IGF1R: variants seen among roughly 807,000 people sequenced by gnomAD.
IGF1R encodes insulin-like growth factor 1 receptor.
IGF1R carries 44 observed loss-of-function variants against 144.6 expected under a neutral mutation model. The observed-to-expected ratio is 0.30, with a 90% CI of 0.24 to 0.39. The LOEUF is 0.39. Among genes scored for constraint, IGF1R ranks in the 10% least tolerant of loss-of-function variants. The probability of loss-of-function intolerance (pLI) is 1.00; values close to 1 mark genes in which losing one functional copy is unlikely to be tolerated. For missense variants in IGF1R, 1,355 were observed against 1,833.7 expected (o/e 0.74, Z 4.77); for synonymous variants, 795 against 722.8 (o/e 1.10, Z -1.60).
intron 1 of IGF1R, among the ~76,000 whole-genome samples, chr15:98,669,146 A>T (rs577936145): frequency 2.6e-5 from 4 of 152,168 alleles, no homozygotes; most frequent in African/African-American, 7.2e-5. Flanking sequence ...TTAGAGACAG[A>T]TGAGACAGGC....
chr15:98,748,107 C>T (rs1219359732), intron 2 of IGF1R, among the ~76,000 whole-genome samples: 1 of 152,176 alleles, frequency 6.6e-6, no homozygotes, highest in Admixed American at 6.5e-5. Context: ...AAATGTTTCT[C>T]ATGTGACAAA....
intron 2 of IGF1R, among the ~76,000 whole-genome samples, chr15:98,855,355 C>G (rs1033287003): frequency 2.0e-5 from 3 of 152,212 alleles, no homozygotes; most frequent in African/African-American, 7.2e-5. Flanking sequence ...GTAGTAATAC[C>G]TTTTCCTTGA....
In IGF1R at chr15:98,854,927, C is replaced by T. The variant is rs544616166; in HGVS notation, c.641-36398C>T. ...TGCCTTGGTCTTTGTTCCCCTCTCACTCCCTCCACCCCTGCCCCCCCCAAC... is the reference window on the plus strand; with the variant it reads ...TGCCTTGGTCTTTGTTCCCCTCTCATTCCCTCCACCCCTGCCCCCCCCAAC... On this transcript the variant is annotated intron_variant, in intron 2 of 20. Transcript: ENST00000650285. Among the ~76,000 whole-genome samples the T allele has an allele frequency of 6.8e-5, 10 of 146,816 alleles. No individual in the cohort carries two copies. In the South Asian group the frequency reaches 1.9e-3, roughly 28 times the overall value.
At position 98,889,865 on chromosome 15, in the gene IGF1R, C is replaced by A. The variant is rs182340509; in HGVS notation, c.641-1460C>A. On this transcript the variant is annotated intron_variant, in intron 2 of 20. Transcript: ENST00000650285. Reference sequence around the variant, plus strand: ...TGCATGTCAGAGTCAAAAAGATACACATTTAAATAATTTTGTATTGTTTTC... The same window carrying A: ...TGCATGTCAGAGTCAAAAAGATACAAATTTAAATAATTTTGTATTGTTTTC... Among the ~76,000 whole-genome samples the A allele has an allele frequency of 6.6e-5, 10 of 152,292 alleles. No individual in the cohort carries two copies. The East Asian group carries it at 1.7e-3, about 26-fold the overall frequency.
At position 98,651,518 on chromosome 15, in the gene IGF1R, T is replaced by C. The variant is rs372775922; in HGVS notation, c.94+1843T>C. 1.4e-3 allele frequency among the ~76,000 whole-genome samples: 218 copies of C among 152,386 alleles called. 4 individuals carry two copies. The highest frequency in any genetic ancestry group is 5.1e-3 in the African/African-American group (211 of 41,602). ...ACGGGAGAAATAATCCATTTTGTTA[T>C]GTTATGCAGTTGAACTGTATAGCTT... is the stretch of plus-strand genomic sequence containing the variant. On this transcript the variant is annotated intron_variant, in intron 1 of 20. Transcript: ENST00000650285.
chr15:98,796,519 G>A (rs1435519463), intron 2 of IGF1R, among the ~76,000 whole-genome samples: 1 of 152,160 alleles, frequency 6.6e-6, no homozygotes, highest in East Asian at 1.9e-4. Flanking sequence ...CCATAGTCCT[G>A]TGGTTTACCT....
At chr15:98,775,114 T>C (rs2055679780) in intron 2 of IGF1R, among the ~76,000 whole-genome samples, 1 of 152,160 alleles carries the variant, frequency 6.6e-6, no homozygotes, top group African/African-American at 2.4e-5. Context: ...CCTGAGTCCA[T>C]GTGTATCAAG....
chr15:98,722,573 G>C (rs774203743), intron 2 of IGF1R, among the ~76,000 whole-genome samples: 1 of 152,194 alleles, frequency 6.6e-6, no homozygotes, highest in Non-Finnish European at 1.5e-5. Flanking sequence ...GTTTGGCTTA[G>C]ACATTATTTA....
intron 2 of IGF1R, among the ~76,000 whole-genome samples, chr15:98,806,920 G>A (rs898596717): frequency 6.6e-6 from 1 of 152,134 alleles, no homozygotes; most frequent in Non-Finnish European, 1.5e-5. Flanking sequence ...CAGCACGTTG[G>A]GAGGCCGAGG....
chr15:98,815,523 G>A (rs1475751393), intron 2 of IGF1R, among the ~76,000 whole-genome samples: 1 of 152,196 alleles, frequency 6.6e-6, no homozygotes, highest in Non-Finnish European at 1.5e-5. Context: ...AAAAGCTATG[G>A]CATCCTATTG....
At chr15:98,924,120 A>G (rs1026171977) in intron 12 of IGF1R, 108 bp downstream of exon 12, 9 of 1,115,884 alleles carry the variant, frequency 8.1e-6, no homozygotes, top group South Asian at 1.3e-5. Context: ...TTAAAACAAT[A>G]AAATCCATGC....
At chr15:98,806,999 G>C (rs575464283) in intron 2 of IGF1R, among the ~76,000 whole-genome samples, 1 of 151,756 alleles carries the variant, frequency 6.6e-6, no homozygotes, top group African/African-American at 2.4e-5. Context: ...CGTCTCAAAA[G>C]AAAAAAAAGA....
At chr15:98,930,603 C>A (rs1410231335) in intron 15 of IGF1R, among the ~76,000 whole-genome samples, 1 of 152,112 alleles carries the variant, frequency 6.6e-6, no homozygotes, top group Admixed American at 6.5e-5. Context: ...AGATGTTATG[C>A]TAGAATGAAA....
At position 98,835,993 on chromosome 15, in the gene IGF1R, A is replaced by G. The variant is rs1013504952; in HGVS notation, c.641-55332A>G. On this transcript the variant is annotated intron_variant, in intron 2 of 20. Transcript: ENST00000650285. ...ATTTTCAGTAAGTTCTCTTTCCCCAATGTCAGCATGACTTCTTCATTCATG... is the reference window on the plus strand; with the variant it reads ...ATTTTCAGTAAGTTCTCTTTCCCCAGTGTCAGCATGACTTCTTCATTCATG... Among the ~76,000 whole-genome samples, 9 of 152,306 alleles carry G rather than the reference A, an allele frequency of 5.9e-5. No homozygotes were observed. The South Asian group carries it at 6.2e-4, about 11-fold the overall frequency.
At chr15:98,705,951 C>T (rs747246893) in intron 1 of IGF1R, among the ~76,000 whole-genome samples, 2 of 152,252 alleles carry the variant, frequency 1.3e-5, no homozygotes, top group African/African-American at 4.8e-5. Flanking sequence ...ATGGGCATAC[C>T]TTGTTCTGCA....
chr15:98,673,160 G>A (rs2052942068), intron 1 of IGF1R, among the ~76,000 whole-genome samples: 1 of 152,114 alleles, frequency 6.6e-6, no homozygotes, highest in African/African-American at 2.4e-5. Flanking sequence ...GTGCCACGTA[G>A]CATTCTTGGG....
rs1261950205 is a variant in IGF1R, at chr15:98,959,779, T to C, written c.*2337T>C. ...TGAAGATTCAACACAGAAAAGAAAG[T>C]TTATACGGCTTTTTTGCTGGTCAGC... On this transcript the variant is annotated 3_prime_UTR_variant, in exon 21 of 21. Coordinates refer to ENST00000650285, the MANE Select transcript of IGF1R (RefSeq NM_000875.5). 1 of 233,210 alleles carries C rather than the reference T, an allele frequency of 4.3e-6. No homozygotes were observed. The highest frequency in any genetic ancestry group is 2.2e-5 in the African/African-American group (1 of 45,328). The allele number at this position is 233,210 out of a possible 1,614,324, so 14.4% of individuals were successfully genotyped here. A position where few individuals can be genotyped will look rare whatever the true frequency, so the allele number is the denominator to read the frequency against.
intron 2 of IGF1R, among the ~76,000 whole-genome samples, chr15:98,722,235 C>T (rs1279877767): frequency 6.6e-6 from 1 of 151,704 alleles, no homozygotes; most frequent in African/African-American, 2.4e-5. Flanking sequence ...TGACGAGACA[C>T]TCTACGACTT....
intron 2 of IGF1R, among the ~76,000 whole-genome samples, chr15:98,849,269 A>G (rs2011455465): frequency 6.6e-6 from 1 of 152,250 alleles, no homozygotes; most frequent in Non-Finnish European, 1.5e-5. Context: ...CGATAAAGGT[A>G]GCTTCACAAA....
Sources: gnomAD v4.1 joint callset for allele counts (sites outside exome capture counted in the v4.1 genomes callset) on GRCh38, gnomAD v4.1.1 for gene constraint, MANE v1.5 for transcripts, NCBI Gene and HGNC (gene_info 2026-07-23, HGNC 2026-07-21) for gene names.